The following RNF38 variants were observed in gnomAD, a reference collection of about 807,000 sequenced individuals.
RNF38 encodes the protein ring finger protein 38, also known as E3 ubiquitin-protein ligase RNF38.
In RNF38, 15 loss-of-function variants were observed where a neutral mutation model predicts 67.2. The ratio of observed to expected loss-of-function variants is 0.22; its 90% CI spans 0.15 to 0.34. The LOEUF (loss-of-function observed/expected upper bound fraction) is 0.34. RNF38 is among the 10% of genes least tolerant of loss of function. RNF38 has a pLI of 1.00. For synonymous variants in RNF38, 220 were observed against 218.8 expected, an observed-to-expected ratio of 1.01 and a Z score of -0.05; for missense variants, 524 against 639.9, an observed-to-expected ratio of 0.82 and a Z score of 1.95.
At position 36,353,336 on chromosome 9, in the gene RNF38, G is replaced by C. The variant is rs768267417; in HGVS notation, c.910-5C>G. The C allele has an allele frequency of 4.5e-6, 7 of 1,572,142 alleles. No individual in the cohort carries two copies. The highest frequency in any genetic ancestry group is 2.4e-5 in the South Asian group (2 of 84,456). ...ATTTTCTATCCTTTGCAGAGGCTGA[G>C]GAGGGGGAAAAAAAAACACATATAT... On this transcript the variant is annotated splice_region_variant and splice_polypyrimidine_tract_variant and intron_variant, in intron 6 of 11. Coordinates refer to ENST00000259605, the MANE Select transcript of RNF38 (RefSeq NM_022781.5).
intron 1 of RNF38, among the ~76,000 whole-genome samples, chr9:36,445,324 T>C (rs1839275592): frequency 6.6e-6 from 1 of 152,248 alleles, no homozygotes; most frequent in Admixed American, 6.5e-5. Flanking sequence ...ACAAGAGTCA[T>C]ACAAAGTAGA....
At chr9:36,357,693 T>TA in intron 5 of RNF38, 82 bp downstream of exon 5, 1 of 1,083,582 alleles carries the variant, frequency 9.2e-7, no homozygotes, top group Non-Finnish European at 1.4e-6. Flanking sequence ...CTAAAGAGGG[T>TA]AAGAGTCGGG....
chr9:36,381,395 A>C (rs1221773150), intron 2 of RNF38, among the ~76,000 whole-genome samples: 2 of 152,208 alleles, frequency 1.3e-5, no homozygotes, highest in Non-Finnish European at 2.9e-5. Flanking sequence ...ACCTCATTTT[A>C]TCTCTCCATC....
intron 1 of RNF38, among the ~76,000 whole-genome samples, chr9:36,447,503 T>C (rs977894607): frequency 4.6e-5 from 7 of 152,148 alleles, no homozygotes; most frequent in African/African-American, 1.7e-4. Flanking sequence ...CAGCAGTAAA[T>C]AGCTGCACAC....
intron 1 of RNF38, among the ~76,000 whole-genome samples, chr9:36,448,119 A>ACAGGGTGAGGG (rs1839351200): frequency 6.6e-6 from 1 of 152,218 alleles, no homozygotes; most frequent in South Asian, 2.1e-4. Context: ...AAACTTAATG[A>ACAGGGTGAGGG]CAGGGTGAGG....
chr9:36,469,237 G>C (rs76670771), intron 1 of RNF38, among the ~76,000 whole-genome samples: 7,648 of 152,230 alleles, frequency 0.05, 594 homozygotes, highest in African/African-American at 0.17. Flanking sequence ...TCTATATAGA[G>C]AGAGAGACAT....
chr9:36,441,943 T>C (rs1033181567), intron 1 of RNF38, among the ~76,000 whole-genome samples: 1 of 152,236 alleles, frequency 6.6e-6, no homozygotes, highest in African/African-American at 2.4e-5. Flanking sequence ...CATCAGATTA[T>C]AAACCTATTT....
chr9:36,444,120 G>A (rs1197436677), intron 1 of RNF38, among the ~76,000 whole-genome samples: 3 of 152,050 alleles, frequency 2.0e-5, no homozygotes, highest in African/African-American at 7.2e-5. Context: ...ACACTCTGAG[G>A]GCCAATAAAA....
intron 1 of RNF38, among the ~76,000 whole-genome samples, chr9:36,458,893 C>T (rs1839656613): frequency 6.6e-6 from 1 of 152,152 alleles, no homozygotes; most frequent in Non-Finnish European, 1.5e-5. Context: ...AACCACAGAC[C>T]ATCAAGACAT....
chr9:36,475,742 G>C (rs1330153985), intron 1 of RNF38, among the ~76,000 whole-genome samples: 2 of 151,164 alleles, frequency 1.3e-5, no homozygotes, highest in African/African-American at 4.9e-5. Context: ...AACTAGCCGG[G>C]TGCGGTGGCT....
intron 11 of RNF38, 128 bp downstream of exon 11, chr9:36,342,197 G>A: frequency 1.4e-6 from 1 of 690,146 alleles, no homozygotes; most frequent in South Asian, 1.7e-5. Context: ...CATTTGCAGA[G>A]ATCATACTGA....
intron 1 of RNF38, among the ~76,000 whole-genome samples, chr9:36,456,466 G>C (rs1479983849): frequency 1.3e-5 from 2 of 150,638 alleles, no homozygotes; most frequent in Non-Finnish European, 3.0e-5. Flanking sequence ...AACTTTTCAT[G>C]ACACATAAAC....
chr9:36,486,283 C>A (rs1296492448), intron 1 of RNF38, among the ~76,000 whole-genome samples: 1 of 152,140 alleles, frequency 6.6e-6, no homozygotes, highest in East Asian at 1.9e-4. Flanking sequence ...TCATCATCCA[C>A]CCCAAATAAA....
chr9:36,469,146 C>T (rs550293922), intron 1 of RNF38, among the ~76,000 whole-genome samples: 1 of 152,206 alleles, frequency 6.6e-6, no homozygotes, highest in South Asian at 2.1e-4. Flanking sequence ...ACCTGAAGTC[C>T]CACCCTCCAT....
intron 4 of RNF38, among the ~76,000 whole-genome samples, chr9:36,363,924 C>T (rs1313662899): frequency 3.5e-5 from 3 of 86,754 alleles, no homozygotes; most frequent in African/African-American, 1.0e-4. Context: ...GCCACCACCT[C>T]CTGGGTTCAA....
At chr9:36,438,128 A>C (rs570993841) in intron 1 of RNF38, among the ~76,000 whole-genome samples, 1 of 152,208 alleles carries the variant, frequency 6.6e-6, no homozygotes, top group African/African-American at 2.4e-5. Flanking sequence ...TTTTGCAGAG[A>C]CAGGGTCTAT....
intron 6 of RNF38, among the ~76,000 whole-genome samples, chr9:36,354,030 G>A (rs996624262): frequency 1.3e-5 from 2 of 152,114 alleles, no homozygotes; most frequent in Non-Finnish European, 2.9e-5. Flanking sequence ...AGATATAACT[G>A]ACATATGATA....
rs1832558467 is a variant in RNF38, at chr9:36,337,783, CAT to C, written c.*1967_*1968del. Reference sequence around the variant, plus strand: ...GGATATCCTAATGATTTAAAAGTAACATGTGCATTAACCATGTGCATTTTTAC... The same window carrying C: ...GGATATCCTAATGATTTAAAAGTAACGTGCATTAACCATGTGCATTTTTAC... On this transcript the variant is annotated 3_prime_UTR_variant, in exon 12 of 12. Transcript: ENST00000259605. 1 of 152,552 alleles carries C rather than the reference CAT, an allele frequency of 6.6e-6. No homozygotes were observed. The highest frequency in any genetic ancestry group is 2.4e-5 in the African/African-American group (1 of 41,422). 9.4% of individuals were successfully genotyped at this position (152,552 alleles called of 1,614,324 possible). A position where few individuals can be genotyped will look rare whatever the true frequency, so the allele number is the denominator to read the frequency against.
chr9:36,453,118 C>A (rs997052809), intron 1 of RNF38, among the ~76,000 whole-genome samples: 3 of 152,126 alleles, frequency 2.0e-5, no homozygotes, highest in African/African-American at 7.2e-5. Flanking sequence ...TTCCCACCAC[C>A]AGTCTGAATG....
Sources: allele counts gnomAD v4.1 joint callset (sites outside exome capture counted in the v4.1 genomes callset), GRCh38; gene constraint gnomAD v4.1.1; transcripts MANE v1.5; gene names NCBI Gene and HGNC (gene_info 2026-07-23, HGNC 2026-07-21).